TENM3: variants seen among roughly 807,000 people sequenced by gnomAD.
TENM3 encodes teneurin-3.
TENM3 carries 63 observed loss-of-function variants against 255.1 expected under a neutral mutation model. That is an observed-to-expected ratio of 0.25 (90% CI 0.20 to 0.30). TENM3 has a LOEUF of 0.30. Ranked by LOEUF, TENM3 falls within the 10% of genes least tolerant of loss-of-function variation. TENM3 has a pLI of 1.00. For synonymous variants in TENM3, 1,306 were observed against 1,322.3 expected (o/e 0.99, Z 0.27); for missense variants, 2,929 against 3,461.1 (o/e 0.85, Z 3.86).
chr4:181,793,849 T>C, the TENM3 span, among the ~76,000 whole-genome samples: 1 of 152,244 alleles, frequency 6.6e-6, no homozygotes, highest in South Asian at 2.1e-4. Flanking sequence ...ATTGGAATGC[T>C]GTTGAGTATT....
At chr4:181,926,975 C>T in the TENM3 span, among the ~76,000 whole-genome samples, 2 of 152,038 alleles carry the variant, frequency 1.3e-5, no homozygotes, top group Admixed American at 1.3e-4. Flanking sequence ...ACGGTGCACT[C>T]CAGCCCAGAA....
At chr4:181,885,550 C>T in the TENM3 span, among the ~76,000 whole-genome samples, 2 of 152,050 alleles carry the variant, frequency 1.3e-5, no homozygotes, top group Non-Finnish European at 2.9e-5. Context: ...GGTGAGCCAC[C>T]GCGCCTGGCC....
chr4:181,913,422 A>G, the TENM3 span, among the ~76,000 whole-genome samples: 1 of 152,172 alleles, frequency 6.6e-6, no homozygotes, highest in Non-Finnish European at 1.5e-5. Flanking sequence ...CGGATGGAGC[A>G]ATGGCGAGAG....
the TENM3 span, among the ~76,000 whole-genome samples, chr4:182,013,955 C>T: frequency 7.7e-6 from 1 of 129,414 alleles, no homozygotes. Flanking sequence ...TACGTATATA[C>T]ACACATATAT....
chr4:181,480,628 A>T, the TENM3 span, among the ~76,000 whole-genome samples: 2 of 151,818 alleles, frequency 1.3e-5, no homozygotes, highest in Non-Finnish European at 2.9e-5. Context: ...TTTTTGGTAT[A>T]TGTTTAAAAG....
the TENM3 span, among the ~76,000 whole-genome samples, chr4:181,753,117 C>T: frequency 6.6e-6 from 1 of 152,112 alleles, no homozygotes; most frequent in Admixed American, 6.6e-5. Context: ...TAAAAAAAAT[C>T]GACTCAAAGG....
the TENM3 span, among the ~76,000 whole-genome samples, chr4:182,060,771 T>A: frequency 2.0e-5 from 3 of 152,192 alleles, no homozygotes; most frequent in African/African-American, 7.2e-5. Flanking sequence ...ATTACATAAT[T>A]GCGGGTATAA....
chr4:181,884,145 T>C, the TENM3 span, among the ~76,000 whole-genome samples: 3 of 152,146 alleles, frequency 2.0e-5, no homozygotes, highest in Admixed American at 6.5e-5. Flanking sequence ...GGACGTCACA[T>C]GAAACTTTCT....
the TENM3 span, among the ~76,000 whole-genome samples, chr4:181,702,650 T>C: frequency 2.3e-4 from 35 of 152,166 alleles, no homozygotes; most frequent in Non-Finnish European, 4.3e-4. Context: ...AACTAAAGTT[T>C]AAAAATCCAG....
At chr4:182,549,247 A>G (rs1741771186) in intron 3 of TENM3, among the ~76,000 whole-genome samples, 1 of 152,202 alleles carries the variant, frequency 6.6e-6, no homozygotes, top group African/African-American at 2.4e-5. Context: ...TTATAGACCA[A>G]AAAAGTTCAC....
the TENM3 span, among the ~76,000 whole-genome samples, chr4:181,817,218 AC>A: frequency 5.3e-5 from 8 of 152,102 alleles, no homozygotes; most frequent in African/African-American, 9.7e-5. Flanking sequence ...TATGATGATT[AC>A]TCTACTCCAG....
At chr4:181,638,582 T>C in the TENM3 span, among the ~76,000 whole-genome samples, 6 of 152,242 alleles carry the variant, frequency 3.9e-5, no homozygotes, top group Non-Finnish European at 5.9e-5. Flanking sequence ...TTTTCACTGC[T>C]TTAGAACCTT....
At chr4:181,557,721 G>C in the TENM3 span, among the ~76,000 whole-genome samples, 4 of 152,002 alleles carry the variant, frequency 2.6e-5, no homozygotes, top group South Asian at 4.2e-4. Context: ...AGTAGAGACA[G>C]GGTTTTGCCA....
chr4:181,777,470 T>G, the TENM3 span, among the ~76,000 whole-genome samples: 1 of 152,154 alleles, frequency 6.6e-6, no homozygotes, highest in Non-Finnish European at 1.5e-5. Flanking sequence ...TGATGGAGAT[T>G]GCATTGAGTC....
chr4:181,698,682 A>C, the TENM3 span, among the ~76,000 whole-genome samples: 8 of 152,340 alleles, frequency 5.3e-5, no homozygotes, highest in East Asian at 1.5e-3. Flanking sequence ...AACTAGCAGT[A>C]AGATCTTGGC....
At chr4:181,781,601 AC>A in the TENM3 span, among the ~76,000 whole-genome samples, 3 of 152,056 alleles carry the variant, frequency 2.0e-5, no homozygotes, top group Admixed American at 6.5e-5. Flanking sequence ...CTAATTGAGT[AC>A]CCTTTATTTC....
chr4:182,228,054 A>C (rs1756292943), intron 1 of TENM3, among the ~76,000 whole-genome samples: 1 of 152,160 alleles, frequency 6.6e-6, no homozygotes, highest in African/African-American at 2.4e-5. Flanking sequence ...AGAATAAAAT[A>C]GTGGTAACCA....
chr4:182,745,910 G>A (rs1176037145), intron 19 of TENM3, among the ~76,000 whole-genome samples: 2 of 151,580 alleles, frequency 1.3e-5, no homozygotes, highest in Non-Finnish European at 2.9e-5. Context: ...TGATACTATT[G>A]TAATCCCTCT....
At chr4:181,881,838 A>G in the TENM3 span, among the ~76,000 whole-genome samples, 1 of 152,204 alleles carries the variant, frequency 6.6e-6, no homozygotes, top group South Asian at 2.1e-4. Context: ...AACAATTGAT[A>G]TATTTATCTC....
Sources: gnomAD v4.1 joint callset for allele counts (sites outside exome capture counted in the v4.1 genomes callset) on GRCh38, gnomAD v4.1.1 for gene constraint, MANE v1.5 for transcripts, NCBI Gene and HGNC (gene_info 2026-07-23, HGNC 2026-07-21) for gene names.